THSD7B: variants seen among roughly 807,000 people sequenced by gnomAD.
The protein encoded by THSD7B is thrombospondin type-1 domain-containing protein 7B.
A neutral mutation model predicts 213.6 loss-of-function variants in THSD7B; 138 were observed. The observed-to-expected ratio is 0.65, with a 90% CI of 0.56 to 0.74. The LOEUF (loss-of-function observed/expected upper bound fraction) is 0.74, where lower values mean the gene tolerates loss of function less well. Among genes scored for constraint, THSD7B ranks in the 30% least tolerant of loss-of-function variants. The pLI, the probability that THSD7B is intolerant of heterozygous loss-of-function variation, is 0.00. For missense variants in THSD7B, 1,931 were observed against 1,991.5 expected (o/e 0.97, Z 0.58); for synonymous variants, 742 against 687.0 (o/e 1.08, Z -1.25).
In THSD7B at chr2:137,606,089, C is replaced by T. The variant is rs55810786; in HGVS notation, c.3424-10086C>T. ...GTGCTGGGATTACAGGCGTGAGCCACGACACCCGGATATTGGCACATTTTC... is the reference window on the plus strand; with the variant it reads ...GTGCTGGGATTACAGGCGTGAGCCATGACACCCGGATATTGGCACATTTTC... On this transcript the variant is annotated intron_variant, in intron 17 of 27. Coordinates refer to ENST00000409968, the MANE Select transcript of THSD7B (RefSeq NM_001316349.2). Among the ~76,000 whole-genome samples the T allele has an allele frequency of 7.9e-3, 1,204 of 152,262 alleles. 17 individuals carry two copies. The highest frequency in any genetic ancestry group is 0.028 in the African/African-American group (1,155 of 41,552).
At chr2:137,572,172 T>G (rs927436154) in intron 16 of THSD7B, among the ~76,000 whole-genome samples, 2 of 152,214 alleles carry the variant, frequency 1.3e-5, no homozygotes, top group African/African-American at 4.8e-5. Context: ...AGGTCAACCA[T>G]TGCCTCTAGT....
intron 2 of THSD7B, among the ~76,000 whole-genome samples, chr2:136,979,779 A>G (rs1047739339): frequency 3.3e-5 from 5 of 152,080 alleles, no homozygotes; most frequent in Non-Finnish European, 5.9e-5. Flanking sequence ...CAATTCATCC[A>G]TCTCAGCCTC....
chr2:137,427,852 A>G (rs143869096), intron 14 of THSD7B, among the ~76,000 whole-genome samples: 1 of 152,280 alleles, frequency 6.6e-6, no homozygotes, highest in Admixed American at 6.5e-5. Flanking sequence ...ACACACAAAA[A>G]CAGGGAACTA....
At chr2:136,821,419 C>A (rs1468302592) in intron 1 of THSD7B, among the ~76,000 whole-genome samples, 2 of 152,206 alleles carry the variant, frequency 1.3e-5, no homozygotes, top group Non-Finnish European at 2.9e-5. Flanking sequence ...CCTGACTCCT[C>A]TGGAATGTGT....
chr2:136,784,150 A>C (rs2254489), intron 1 of THSD7B, among the ~76,000 whole-genome samples: 4,711 of 152,230 alleles, frequency 0.031, 234 homozygotes, highest in African/African-American at 0.11. Context: ...GATACGACTC[A>C]CCTTTACCCT....
At chr2:136,770,983 A>G (rs955033486) in intron 1 of THSD7B, among the ~76,000 whole-genome samples, 5 of 152,198 alleles carry the variant, frequency 3.3e-5, no homozygotes, top group African/African-American at 9.6e-5. Context: ...GTTAAGAGGA[A>G]GAGCCAAATT....
At chr2:137,397,080 C>G (rs2104989250) in intron 12 of THSD7B, among the ~76,000 whole-genome samples, 1 of 147,862 alleles carries the variant, frequency 6.8e-6, no homozygotes, top group African/African-American at 2.5e-5. Context: ...GATGGGTTTC[C>G]TGAATAGAGC....
rs1056989884 is a variant in THSD7B at position 137,512,003 on chromosome 2, T to A, written c.3139-51218T>A. 6.6e-5 allele frequency: 10 copies of A among 152,314 alleles called. No individual in the cohort carries two copies. In the East Asian group the frequency reaches 1.9e-3, roughly 29 times the overall value. 9.4% of individuals were successfully genotyped at this position (152,314 alleles called of 1,614,324 possible). On this transcript the variant is annotated intron_variant, in intron 15 of 27. Transcript: ENST00000409968. ...CCAGCCAGTGGCCACAAAATCACTA[T>A]TCTTACCTGATGAATTAGCAGGCTT... is the stretch of plus-strand genomic sequence containing the variant.
chr2:137,073,087 A>C (rs1174100531), intron 3 of THSD7B, among the ~76,000 whole-genome samples: 1 of 152,122 alleles, frequency 6.6e-6, no homozygotes, highest in Non-Finnish European at 1.5e-5. Context: ...TGTCTCTGCC[A>C]TGCTTTGGTA....
intron 15 of THSD7B, among the ~76,000 whole-genome samples, chr2:137,481,253 G>C (rs1688300476): frequency 6.6e-6 from 1 of 152,184 alleles, no homozygotes; most frequent in Non-Finnish European, 1.5e-5. Flanking sequence ...TCTTAGTTAA[G>C]ACATATACAT....
chr2:137,275,866 T>C, intron 11 of THSD7B, 57 bp from the exon 12 acceptor site: 5 of 1,309,876 alleles, frequency 3.8e-6, no homozygotes, highest in Non-Finnish European at 5.4e-6. Context: ...ATGTAAGTAT[T>C]TCTTCCTCGT....
At chr2:137,440,342 T>A (rs755575914) in intron 14 of THSD7B, among the ~76,000 whole-genome samples, 1 of 152,212 alleles carries the variant, frequency 6.6e-6, no homozygotes, top group Middle Eastern at 3.4e-3. Flanking sequence ...GATTTCAGAC[T>A]AGAAAAAGTT....
At chr2:137,150,008 G>A (rs937028285) in intron 5 of THSD7B, among the ~76,000 whole-genome samples, 7 of 152,084 alleles carry the variant, frequency 4.6e-5, no homozygotes, top group South Asian at 2.1e-4. Flanking sequence ...TTGGGAGGCC[G>A]AGGCGGGCAG....
intron 20 of THSD7B, among the ~76,000 whole-genome samples, chr2:137,622,041 C>T (rs546254268): frequency 6.6e-6 from 1 of 152,108 alleles, no homozygotes; most frequent in Non-Finnish European, 1.5e-5. Context: ...CTCACTCGCC[C>T]CCAGGGAGGG....
intron 9 of THSD7B, among the ~76,000 whole-genome samples, chr2:137,241,289 C>T (rs541728136): frequency 4.1e-4 from 63 of 152,232 alleles, no homozygotes; most frequent in Non-Finnish European, 6.8e-4. Flanking sequence ...AAATGTATAG[C>T]GTAAAGTGCT....
chr2:137,427,330 T>A (rs72847191), intron 14 of THSD7B, among the ~76,000 whole-genome samples: 9,383 of 152,100 alleles, frequency 0.062, 424 homozygotes, highest in South Asian at 0.17. Flanking sequence ...AAAATCACTA[T>A]CTCAAAGAGA....
chr2:137,505,483 G>T (rs901207590), intron 15 of THSD7B, among the ~76,000 whole-genome samples: 1 of 152,136 alleles, frequency 6.6e-6, no homozygotes, highest in Admixed American at 6.5e-5. Context: ...TGGCAACCTG[G>T]GAAGCCCAGT....
At chr2:137,407,392 C>T (rs950611370) in intron 13 of THSD7B, among the ~76,000 whole-genome samples, 5 of 151,684 alleles carry the variant, frequency 3.3e-5, no homozygotes, top group East Asian at 3.9e-4. Context: ...TTTATGTCTA[C>T]GTGGCACCAA....
intron 3 of THSD7B, among the ~76,000 whole-genome samples, chr2:137,075,547 C>T (rs561817099): frequency 5.7e-4 from 87 of 152,222 alleles, no homozygotes; most frequent in African/African-American, 7.7e-4. Flanking sequence ...TCCTGTAGCT[C>T]GGAGTAGTTT....
Sources: allele counts gnomAD v4.1 joint callset (sites outside exome capture counted in the v4.1 genomes callset), GRCh38; gene constraint gnomAD v4.1.1; transcripts MANE v1.5; gene names NCBI Gene and HGNC (gene_info 2026-07-23, HGNC 2026-07-21).